MAGI2: variants seen among roughly 807,000 people sequenced by gnomAD.
MAGI2 encodes membrane-associated guanylate kinase, WW and PDZ domain-containing protein 2.
Under a neutral mutation model 133.3 loss-of-function variants are expected in MAGI2, and 35 were observed. The ratio of observed to expected loss-of-function variants is 0.26; its 90% confidence interval spans 0.20 to 0.35. The LOEUF (loss-of-function observed/expected upper bound fraction) is 0.35. Ranked by LOEUF, MAGI2 falls within the 10% of genes least tolerant of loss-of-function variation. The pLI, the probability that MAGI2 is intolerant of heterozygous loss-of-function variation, is 1.00. For missense variants in MAGI2, 1,636 were observed against 1,863.4 expected, an observed-to-expected ratio of 0.88 and a Z score of 2.25; for synonymous variants, 729 against 710.6, an observed-to-expected ratio of 1.03 and a Z score of -0.41.
intron 1 of MAGI2, among the ~76,000 whole-genome samples, chr7:79,140,833 T>C (rs1272310887): frequency 6.6e-6 from 1 of 152,148 alleles, no homozygotes; most frequent in Non-Finnish European, 1.5e-5. Context: ...ATGTAAAAAA[T>C]TACGAGATTA....
At chr7:78,941,154 G>C (rs547201741) in intron 2 of MAGI2, among the ~76,000 whole-genome samples, 24 of 152,160 alleles carry the variant, frequency 1.6e-4, no homozygotes, top group African/African-American at 5.1e-4. Flanking sequence ...CTGCTCCCCA[G>C]CATCATTTTG....
At chr7:78,257,351 A>T (rs1562697616) in intron 9 of MAGI2, among the ~76,000 whole-genome samples, 1 of 152,192 alleles carries the variant, frequency 6.6e-6, no homozygotes, top group Non-Finnish European at 1.5e-5. Context: ...GATTGTTGTT[A>T]AAATAGGATG....
At chr7:78,955,777 C>CTTTA (rs1554310468) in intron 2 of MAGI2, among the ~76,000 whole-genome samples, 1 of 88,468 alleles carries the variant, frequency 1.1e-5, no homozygotes, top group African/African-American at 4.0e-5. Flanking sequence ...TTCTTTCTTT[C>CTTTA]TTTCTTTCTT....
At chr7:78,864,715 T>G (rs991599594) in intron 2 of MAGI2, among the ~76,000 whole-genome samples, 1 of 152,212 alleles carries the variant, frequency 6.6e-6, no homozygotes, top group African/African-American at 2.4e-5. Flanking sequence ...TCTTTGGTTG[T>G]CATAAAGTAG....
At chr7:78,890,918 A>C (rs1212689966) in intron 2 of MAGI2, among the ~76,000 whole-genome samples, 6 of 152,204 alleles carry the variant, frequency 3.9e-5, no homozygotes, top group African/African-American at 1.4e-4. Context: ...AAAACCCTTC[A>C]AAAAATCTAT....
chr7:78,348,460 T>TA (rs1341659071), intron 7 of MAGI2: 1 of 152,178 alleles, frequency 6.6e-6, no homozygotes, highest in Non-Finnish European at 1.5e-5. Context: ...ATTGAAGTGT[T>TA]GCAGTGGTTA....
At position 78,194,932 on chromosome 7, in the gene MAGI2, T is replaced by C; in HGVS notation, c.2211A>G (p.Pro737=). The stretch of plus-strand genomic sequence containing the variant: ...AGAGCTCATATGGATCAGGCTTCCG[T>C]GGGTCAAAGGCCTCTGTTGAGTCAG... ...SFPDSTEAFD[P]RKPDPYELYE... is the part of the protein sequence containing the mutation. Residue 737 remains proline (P), a synonymous_variant, in exon 12 of 22, where the codon CCA becomes CCG. Transcript: ENST00000354212. 6.2e-7 allele frequency: 1 copy of C among 1,613,922 alleles called. No homozygotes were observed.
intron 4 of MAGI2, among the ~76,000 whole-genome samples, chr7:78,517,655 A>G (rs1796153570): frequency 6.6e-6 from 1 of 152,136 alleles, no homozygotes; most frequent in Non-Finnish European, 1.5e-5. Flanking sequence ...ATTATTGACA[A>G]GGATAAAACT....
At chr7:78,608,713 C>T (rs999268215) in intron 3 of MAGI2, among the ~76,000 whole-genome samples, 1 of 152,048 alleles carries the variant, frequency 6.6e-6, no homozygotes, top group Non-Finnish European at 1.5e-5. Context: ...ATGTTAGGCA[C>T]TTTAATTTAT....
At chr7:78,529,500 C>A (rs531539720) in intron 3 of MAGI2, among the ~76,000 whole-genome samples, 6 of 152,038 alleles carry the variant, frequency 3.9e-5, no homozygotes, top group Middle Eastern at 6.8e-3. Flanking sequence ...ACATTTGTAA[C>A]TATAACATAA....
At chr7:78,836,578 C>T (rs1791633340) in intron 2 of MAGI2, among the ~76,000 whole-genome samples, 1 of 152,164 alleles carries the variant, frequency 6.6e-6, no homozygotes, top group Non-Finnish European at 1.5e-5. Flanking sequence ...TTTTAATATA[C>T]ATCTTTCCAT....
At chr7:79,305,706 G>T (rs2129560123) in intron 1 of MAGI2, among the ~76,000 whole-genome samples, 1 of 152,148 alleles carries the variant, frequency 6.6e-6, no homozygotes, top group South Asian at 2.1e-4. Flanking sequence ...CCAGGAATTT[G>T]AGACCTGCCT....
intron 1 of MAGI2, among the ~76,000 whole-genome samples, chr7:79,452,514 G>T (rs1291591558): frequency 1.3e-5 from 2 of 152,046 alleles, no homozygotes; most frequent in African/African-American, 2.4e-5. Flanking sequence ...GACAGCTGGG[G>T]ACCCAGGCGC....
At chr7:79,443,534 C>G (rs945785415) in intron 1 of MAGI2, among the ~76,000 whole-genome samples, 1 of 152,156 alleles carries the variant, frequency 6.6e-6, no homozygotes, top group Admixed American at 6.5e-5. Context: ...GGGTATGTCA[C>G]TAGATTAATC....
intron 20 of MAGI2, among the ~76,000 whole-genome samples, chr7:78,105,795 GTAA>G (rs1388572397): frequency 1.3e-5 from 2 of 151,984 alleles, no homozygotes; most frequent in African/African-American, 4.8e-5. Flanking sequence ...CATACAATGT[GTAA>G]TAATCACATC....
In MAGI2 at chr7:79,006,937, T is replaced by C. The variant is rs116095151; in HGVS notation, c.418+153A>G. The C allele has an allele frequency of 9.1e-5, 50 of 547,448 alleles. No homozygotes were observed. In the African/African-American group the frequency reaches 9.4e-4, roughly 10 times the overall value. The allele number at this position is 547,448 out of a possible 1,614,324, so 33.9% of individuals were successfully genotyped here. ...ACCATACTACTGCAGTTATAAGCAT[T>C]TGCACTTAAAATTGCCACATCTCAA... is the stretch of plus-strand genomic sequence containing the variant. On this transcript the variant is annotated intron_variant, in intron 2 of 21. Transcript: ENST00000354212.
At chr7:78,630,054 G>C (rs1431013344) in intron 2 of MAGI2, among the ~76,000 whole-genome samples, 1 of 151,830 alleles carries the variant, frequency 6.6e-6, no homozygotes, top group Admixed American at 6.6e-5. Flanking sequence ...TAAGACTTCT[G>C]ATTTTTAAAA....
chr7:78,775,174 G>A (rs920221099), intron 2 of MAGI2, among the ~76,000 whole-genome samples: 3 of 151,768 alleles, frequency 2.0e-5, no homozygotes, highest in East Asian at 3.9e-4. Context: ...TGAGCCAGGC[G>A]TGGTGGCAGG....
chr7:79,256,421 A>C (rs1833683785), intron 1 of MAGI2, among the ~76,000 whole-genome samples: 1 of 150,598 alleles, frequency 6.6e-6, no homozygotes, highest in Non-Finnish European at 1.5e-5. Flanking sequence ...TCTCATATTC[A>C]TTAGGAGCTG....
Sources: gnomAD v4.1 joint callset for allele counts (sites outside exome capture counted in the v4.1 genomes callset) on GRCh38, gnomAD v4.1.1 for gene constraint, MANE v1.5 for transcripts, NCBI Gene and HGNC (gene_info 2026-07-23, HGNC 2026-07-21) for gene names.